Variants in ZNF578 observed in about 807,000 individuals in gnomAD.
ZNF578 encodes zinc finger protein 578.
A neutral mutation model predicts 8.3 loss-of-function variants in ZNF578; 8 were observed. That is an observed-to-expected ratio of 0.96 (90% CI 0.56 to 1.74). The LOEUF is 1.74. ZNF578 is among the 40% of genes most tolerant of loss of function. The probability of loss-of-function intolerance (pLI) is 0.00; values close to 1 mark genes in which losing one functional copy is unlikely to be tolerated. For missense variants in ZNF578, 726 were observed against 707.5 expected, an observed-to-expected ratio of 1.03 and a Z score of -0.30; for synonymous variants, 206 against 232.2, an observed-to-expected ratio of 0.89 and a Z score of 1.03.
At chr19:52,479,257 C>T (rs907976411) in intron 2 of ZNF578, among the ~76,000 whole-genome samples, 3 of 151,768 alleles carry the variant, frequency 2.0e-5, no homozygotes, top group South Asian at 2.1e-4. Flanking sequence ...TTCCCAAGGC[C>T]GGGCGCAGTG....
intron 3 of ZNF578, among the ~76,000 whole-genome samples, chr19:52,496,454 C>G (rs771977680): frequency 6.9e-6 from 1 of 145,526 alleles, no homozygotes; most frequent in Non-Finnish European, 1.5e-5. Flanking sequence ...CTCAGCCTCC[C>G]GAGTAGCTGG....
chr19:52,494,825 C>T (rs1469905814), intron 3 of ZNF578, among the ~76,000 whole-genome samples: 1 of 152,020 alleles, frequency 6.6e-6, no homozygotes, highest in East Asian at 1.9e-4. Context: ...TTATGTAATA[C>T]TTTTAATTAA....
chr19:52,486,794 GAC>G (rs2059347371), intron 2 of ZNF578, among the ~76,000 whole-genome samples: 1 of 111,686 alleles, frequency 9.0e-6, no homozygotes, highest in South Asian at 2.8e-4. Context: ...GGCAGAAATA[GAC>G]AGAGATTGAG....
At chr19:52,457,236 A>G (rs1366106387) in intron 2 of ZNF578, 2 of 152,018 alleles carry the variant, frequency 1.3e-5, no homozygotes, top group Non-Finnish European at 2.9e-5. Context: ...CCTGGGGGGA[A>G]GAATGTTGAT....
chr19:52,469,959 A>G (rs768514561), intron 2 of ZNF578, among the ~76,000 whole-genome samples: 1 of 152,182 alleles, frequency 6.6e-6, no homozygotes, highest in Non-Finnish European at 1.5e-5. Flanking sequence ...CCAGGTATCT[A>G]TAAAGTAAGG....
At chr19:52,476,694 T>G (rs978344029) in intron 2 of ZNF578, among the ~76,000 whole-genome samples, 1 of 152,204 alleles carries the variant, frequency 6.6e-6, no homozygotes, top group Non-Finnish European at 1.5e-5. Context: ...TATATGACTG[T>G]CCACCCAGAC....
intron 2 of ZNF578, among the ~76,000 whole-genome samples, chr19:52,470,248 A>G (rs2059287857): frequency 6.6e-6 from 1 of 152,126 alleles, no homozygotes; most frequent in Admixed American, 6.5e-5. Context: ...GATTCTTCTC[A>G]GGATCCTCCC....
At chr19:52,472,224 G>A (rs928208017) in intron 2 of ZNF578, among the ~76,000 whole-genome samples, 1 of 152,110 alleles carries the variant, frequency 6.6e-6, no homozygotes, top group Non-Finnish European at 1.5e-5. Flanking sequence ...GAACCCTAAT[G>A]GTGCATTATT....
At chr19:52,499,921 C>T (rs1345575092) in intron 3 of ZNF578, among the ~76,000 whole-genome samples, 1 of 152,138 alleles carries the variant, frequency 6.6e-6, no homozygotes, top group African/African-American at 2.4e-5. Flanking sequence ...CTGACCTCAT[C>T]TCCTACCTGT....
chr19:52,493,569 G>C (rs2059374358), intron 3 of ZNF578, among the ~76,000 whole-genome samples: 1 of 152,152 alleles, frequency 6.6e-6, no homozygotes, highest in South Asian at 2.1e-4. Context: ...GGGTGCTAGA[G>C]AGTGGGGACA....
Position 52,514,538 on chromosome 19 carries a change from A to C in ZNF578, c.*2384A>C. Among the ~76,000 whole-genome samples, 1 of 152,104 alleles carries C rather than the reference A, an allele frequency of 6.6e-6. No individual in the cohort carries two copies. The highest frequency in any genetic ancestry group is 1.9e-4 in the East Asian group (1 of 5,202). ...TTTTTCAGTTTTCTTTCCTTATGTC[A>C]TTTTTTAAAATCTTGAGCTGGGAGC... is the stretch of plus-strand genomic sequence containing the variant. On this transcript the variant is annotated 3_prime_UTR_variant, in exon 6 of 6. Transcript: ENST00000421239.
rs148652545 is a variant in ZNF578 at position 52,474,444 on chromosome 19, A to G, written c.-121-16880A>G. The G allele has an allele frequency of 3.3e-5, 10 of 299,148 alleles. No individual in the cohort carries two copies. The Admixed American group carries it at 3.6e-4, about 11-fold the overall frequency. 18.5% of individuals were successfully genotyped at this position (299,148 alleles called of 1,614,324 possible). ...GTAAGAAATAACTCAGTCTCGGGCTAAAAACTTTGCCACATTCATTACATT... is the reference window on the plus strand; with the variant it reads ...GTAAGAAATAACTCAGTCTCGGGCTGAAAACTTTGCCACATTCATTACATT... On this transcript the variant is annotated intron_variant, in intron 2 of 5. Transcript: ENST00000421239.
chr19:52,487,466 C>G (rs1215358957), intron 2 of ZNF578, among the ~76,000 whole-genome samples: 2 of 152,174 alleles, frequency 1.3e-5, no homozygotes, highest in Non-Finnish European at 2.9e-5. Flanking sequence ...GACGTACATT[C>G]TATAAATCTT....
Position 52,513,227 on chromosome 19 carries a change from G to A in ZNF578, c.*1073G>A, listed in dbSNP as rs1187195714. 6.6e-6 allele frequency among the ~76,000 whole-genome samples: 1 copy of A among 151,356 alleles called. No homozygotes were observed. The highest frequency in any genetic ancestry group is 1.5e-5 in the Non-Finnish European group (1 of 67,910). ...AGTAGGGAAAGGGTTTCTCCATGTT[G>A]GTCAGGCTGGTCTCAAACTCCCGAT... On this transcript the variant is annotated 3_prime_UTR_variant, in exon 6 of 6. Transcript: ENST00000421239.
Position 52,511,710 on chromosome 19 carries a change from AC to A in ZNF578, c.1330del (p.Arg444ValfsTer32). 4 of 1,613,638 alleles carry A rather than the reference AC, an allele frequency of 2.5e-6. No individual in the cohort carries two copies. Among genetic ancestry groups the A allele is most frequent in the Non-Finnish European group, 3.4e-6 (4 of 1,179,960 alleles). On this transcript the variant is annotated frameshift_variant, in exon 6 of 6. Coordinates refer to ENST00000421239, the MANE Select transcript of ZNF578 (RefSeq NM_001099694.2). LOFTEE classifies it low-confidence loss of function (END_TRUNC). ...KAFIHQSSLA[R>X]HHRLHTGEKS... ...CTTTTATTCATCAGTCAAGCCTTGCACGTCATCATAGACTTCATACTGGAGA... is the reference window on the plus strand; with the variant it reads ...CTTTTATTCATCAGTCAAGCCTTGCAGTCATCATAGACTTCATACTGGAGA...
rs538068163 is a variant in ZNF578 at position 52,487,395 on chromosome 19, C to G, written c.-121-3929C>G. Among the ~76,000 whole-genome samples, 31 of 152,162 alleles carry G rather than the reference C, an allele frequency of 2.0e-4. No homozygotes were observed. In the East Asian group the frequency reaches 6.0e-3, roughly 29 times the overall value. The stretch of plus-strand genomic sequence containing the variant: ...ACATGTTGACTTCCATGTATATAAT[C>G]TAATAACTAAAAACTTGTTTATACA... On this transcript the variant is annotated intron_variant, in intron 2 of 5. Coordinates refer to ENST00000421239, the MANE Select transcript of ZNF578 (RefSeq NM_001099694.2).
intron 1 of ZNF578, chr19:52,454,067 G>A (rs776692329): frequency 6.6e-6 from 1 of 152,060 alleles, no homozygotes; most frequent in Non-Finnish European, 1.5e-5. Context: ...GGGCCCTTGT[G>A]TTCCCCAGGT....
chr19:52,493,784 A>G (rs1255853315), intron 3 of ZNF578, among the ~76,000 whole-genome samples: 1 of 152,000 alleles, frequency 6.6e-6, no homozygotes. Context: ...TGAGGTCCCG[A>G]GTTCGAGACC....
chr19:52,512,110 A>G lies in ZNF578; in HGVS notation c.1729A>G (p.Asn577Asp). 6.2e-7 allele frequency: 1 copy of G among 1,610,342 alleles called. No homozygotes were observed. The highest frequency in any genetic ancestry group is 8.5e-7 in the Non-Finnish European group (1 of 1,178,030). ...GTGTAATGAGTGTGGTAAGGCTCACAATCACTTGATTGATTCATCAATCAA... is the reference window on the plus strand; with the variant it reads ...GTGTAATGAGTGTGGTAAGGCTCACGATCACTTGATTGATTCATCAATCAA... Reference protein sequence around the residue: ...YKCNECGKAHNHLIDSSIKPC... With the variant: ...YKCNECGKAHDHLIDSSIKPC... The change falls in exon 6 of 6, where the codon AAT (asparagine) becomes GAT (aspartate). Residue 577 changes from asparagine to aspartate, a missense_variant. Asn to Asp is a conservative substitution (Grantham distance 23). Transcript: ENST00000421239.
Sources: allele counts gnomAD v4.1 joint callset (sites outside exome capture counted in the v4.1 genomes callset), GRCh38; gene constraint gnomAD v4.1.1; transcripts MANE v1.5; gene names NCBI Gene and HGNC (gene_info 2026-07-23, HGNC 2026-07-21).